The following IL21R variants were observed in gnomAD, a reference collection of about 807,000 sequenced individuals.
IL21R encodes interleukin 21 receptor, also known as interleukin-21 receptor.
A neutral mutation model predicts 41.3 loss-of-function variants in IL21R; 14 were observed. The ratio of observed to expected loss-of-function variants is 0.34; its 90% confidence interval spans 0.22 to 0.53. The LOEUF is 0.53. Among genes scored for constraint, IL21R ranks in the 20% least tolerant of loss-of-function variants. The pLI is 0.94. For synonymous variants in IL21R, 286 were observed against 287.6 expected (o/e 0.99, Z 0.05); for missense variants, 588 against 681.6 (o/e 0.86, Z 1.53).
chr16:27,404,372 C>T (rs963899963), intron 1 of IL21R, among the ~76,000 whole-genome samples: 2 of 152,058 alleles, frequency 1.3e-5, no homozygotes, highest in Non-Finnish European at 2.9e-5. Flanking sequence ...TGGTTTCAGG[C>T]TAGGAGAAGA....
chr16:27,405,037 T>A (rs74422876), intron 1 of IL21R, among the ~76,000 whole-genome samples: 2 of 151,716 alleles, frequency 1.3e-5, no homozygotes, highest in African/African-American at 4.9e-5. Flanking sequence ...TTTTTTTTTT[T>A]TTAATTTTTT....
intron 1 of IL21R, among the ~76,000 whole-genome samples, chr16:27,420,561 T>C (rs2086983227): frequency 6.6e-6 from 1 of 152,214 alleles, no homozygotes; most frequent in Non-Finnish European, 1.5e-5. Context: ...TAGAGAGTAA[T>C]GTCAATGGCC....
intron 8 of IL21R, among the ~76,000 whole-genome samples, chr16:27,446,665 T>C (rs2087485030): frequency 6.6e-6 from 1 of 152,010 alleles, no homozygotes; most frequent in Non-Finnish European, 1.5e-5. Context: ...CAGACTGGGA[T>C]AGGGGGTGAG....
chr16:27,445,078 C>A (rs2087454708), intron 6 of IL21R, 99 bp from the exon 7 acceptor site: 1 of 804,012 alleles, frequency 1.2e-6, no homozygotes, highest in Non-Finnish European at 2.1e-6. Flanking sequence ...CTCTCCTACC[C>A]TCTTCCACTC....
At chr16:27,415,732 TTTTGTCTC>T (rs1309944558) in intron 1 of IL21R, among the ~76,000 whole-genome samples, 1 of 152,204 alleles carries the variant, frequency 6.6e-6, no homozygotes, top group Non-Finnish European at 1.5e-5. Context: ...TCTGACTTCT[TTTTGTCTC>T]CTAATCTTAA....
chr16:27,420,467 A>T (rs547803641), intron 1 of IL21R, among the ~76,000 whole-genome samples: 4 of 152,308 alleles, frequency 2.6e-5, no homozygotes, highest in African/African-American at 9.6e-5. Flanking sequence ...CCGCCCCCTC[A>T]TTCACACTTG....
In IL21R at chr16:27,420,483, GATT is replaced by G. The variant is rs370240705; in HGVS notation, c.-16-9562_-16-9560del. Among the ~76,000 whole-genome samples, 150 of 152,252 alleles carry G rather than the reference GATT, an allele frequency of 9.9e-4. 5 individuals carry two copies. The South Asian group carries it at 0.029, about 30-fold the overall frequency. ...CGCCCCCTCATTCACACTTGTGATT[GATT>G]ATTATTATTACCATCCTAATGCATG... On this transcript the variant is annotated intron_variant, in intron 1 of 8. Transcript: ENST00000337929.
At chr16:27,439,454 T>A (rs2087339104) in intron 4 of IL21R, among the ~76,000 whole-genome samples, 1 of 150,460 alleles carries the variant, frequency 6.6e-6, no homozygotes, top group South Asian at 2.2e-4. Context: ...ACGCACACAC[T>A]CACACATGCA....
Position 27,434,398 on chromosome 16 carries a change from T to A in IL21R, c.101T>A (p.Ile34Asn). The A allele has an allele frequency of 1.2e-6, 2 of 1,614,060 alleles. No individual in the cohort carries two copies. Among genetic ancestry groups the A allele is most frequent in the African/African-American group, 1.3e-5 (1 of 75,052 alleles). Residue 34 changes from isoleucine (I) to asparagine (N), a missense_variant, in exon 3 of 9, where the codon ATC becomes AAC. Transcript: ENST00000337929. ...TACACCGATTACCTCCAGACGGTCA[T>A]CTGCATCCTGGAAATGTGGAACCTC... Reference protein sequence around the residue: ...VCYTDYLQTVICILEMWNLHP... With the variant: ...VCYTDYLQTVNCILEMWNLHP...
chr16:27,421,726 G>A (rs188305161), intron 1 of IL21R, among the ~76,000 whole-genome samples: 22 of 152,046 alleles, frequency 1.4e-4, no homozygotes, highest in Admixed American at 1.2e-3. Flanking sequence ...GGCTAAATTT[G>A]TTTATTAGCT....
chr16:27,409,180 T>TATAA (rs1555495176), intron 1 of IL21R, among the ~76,000 whole-genome samples: 5 of 147,592 alleles, frequency 3.4e-5, no homozygotes, highest in Non-Finnish European at 7.5e-5. Context: ...TATATATTTA[T>TATAA]AAAAATAAAT....
chr16:27,409,577 T>C (rs1037283725), intron 1 of IL21R, among the ~76,000 whole-genome samples: 3 of 149,862 alleles, frequency 2.0e-5, no homozygotes, highest in African/African-American at 7.4e-5. Context: ...GTTTACTTTT[T>C]CCATATGAAT....
intron 1 of IL21R, among the ~76,000 whole-genome samples, chr16:27,429,438 C>T (rs763834733): frequency 7.9e-5 from 12 of 152,086 alleles, no homozygotes; most frequent in Non-Finnish European, 1.3e-4. Context: ...CATCAATAGG[C>T]TCAGCAAGGG....
intron 1 of IL21R, among the ~76,000 whole-genome samples, chr16:27,411,187 A>AT (rs1176666755): frequency 6.6e-6 from 1 of 151,928 alleles, no homozygotes; most frequent in Non-Finnish European, 1.5e-5. Context: ...TGGTATTTCT[A>AT]TTTTTTTAAT....
chr16:27,445,052 C>T, intron 6 of IL21R, 125 bp from the exon 7 acceptor site: 3 of 690,616 alleles, frequency 4.3e-6, no homozygotes, highest in Middle Eastern at 2.4e-4. Flanking sequence ...CACTTCAAGA[C>T]ACTAGCAGTA....
chr16:27,446,609 A>T (rs1035529581), intron 8 of IL21R, among the ~76,000 whole-genome samples: 7 of 152,008 alleles, frequency 4.6e-5, no homozygotes, highest in African/African-American at 1.7e-4. Context: ...AAAATCAAAA[A>T]GAAAAAGTAA....
chr16:27,439,126 C>A (rs566854767), intron 4 of IL21R, among the ~76,000 whole-genome samples: 1 of 152,150 alleles, frequency 6.6e-6, no homozygotes, highest in African/African-American at 2.4e-5. Flanking sequence ...GTTTGCACCT[C>A]TTTGCTGAGT....
chr16:27,409,567 G>C (rs542143180), intron 1 of IL21R, among the ~76,000 whole-genome samples: 1 of 151,696 alleles, frequency 6.6e-6, no homozygotes, highest in African/African-American at 2.4e-5. Flanking sequence ...AGGGGTCAAG[G>C]TTTACTTTTT....
rs184434656 is a variant in IL21R, at chr16:27,413,800, C to A, written c.-17+11182C>A. Among the ~76,000 whole-genome samples, 14 of 151,848 alleles carry A rather than the reference C, an allele frequency of 9.2e-5. No homozygotes were observed. The East Asian group carries it at 2.7e-3, about 29-fold the overall frequency. ...GACATAGTTACAATGTCTCCTCTTT[C>A]ATTTCTGATTTTAGTTAATTTGAGT... On this transcript the variant is annotated intron_variant, in intron 1 of 8. Transcript: ENST00000337929.
Sources: allele counts gnomAD v4.1 joint callset (sites outside exome capture counted in the v4.1 genomes callset), GRCh38; gene constraint gnomAD v4.1.1; transcripts MANE v1.5; gene names NCBI Gene and HGNC (gene_info 2026-07-23, HGNC 2026-07-21).